CMBL: variants seen among roughly 807,000 people sequenced by gnomAD.
The protein encoded by CMBL is carboxymethylenebutenolidase homolog, also known as carboxymethylenebutenolidase homolog (Pseudomonas).
A neutral mutation model predicts 28.7 loss-of-function variants in CMBL; 17 were observed. The observed-to-expected ratio is 0.59, with a 90% CI of 0.41 to 0.89. CMBL has a LOEUF of 0.89. CMBL is among the 40% of genes least tolerant of loss of function. The pLI is 0.00. For missense variants in CMBL, 310 were observed against 298.5 expected (o/e 1.04, Z -0.28); for synonymous variants, 106 against 101.6 (o/e 1.04, Z -0.26).
chr5:10,289,974 C>A lies in CMBL; in HGVS notation c.215+574G>T, dbSNP rs981223374. On this transcript the variant is annotated intron_variant, in intron 2 of 5. Transcript: ENST00000296658. The surrounding 1 kb of genome is among the most constrained non-coding windows in gnomAD (Gnocchi z 4.3). ...CCCTCCTCTGCGCTTTACACCGGGG[C>A]AAATAAGAAGCAATCGGGTATCAGC... Among the ~76,000 whole-genome samples the A allele has an allele frequency of 2.6e-5, 4 of 152,170 alleles. No individual in the cohort carries two copies. The South Asian group carries it at 6.2e-4, about 24-fold the overall frequency.
chr5:10,296,602 A>G (rs1746814211), intron 1 of CMBL, among the ~76,000 whole-genome samples: 1 of 152,218 alleles, frequency 6.6e-6, no homozygotes, highest in Non-Finnish European at 1.5e-5. Context: ...GATGAAGAAA[A>G]GAGAAATCTA....
rs983156085 is a variant in CMBL at position 10,289,369 on chromosome 5, C to G, written c.216-840G>C. On this transcript the variant is annotated intron_variant, in intron 2 of 5. Transcript: ENST00000296658. This position sits in a 1 kb window ranked among gnomAD's most constrained non-coding sequence, Gnocchi z 4.3. ...TCTCGAGGGCAAAAAAAGTTGTATA[C>G]CTGTGAAAGGGCTTTGTAAAACAGG... Among the ~76,000 whole-genome samples the G allele has an allele frequency of 1.3e-5, 2 of 152,190 alleles. No homozygotes were observed. The highest frequency in any genetic ancestry group is 6.5e-5 in the Admixed American group (1 of 15,280).
In CMBL at chr5:10,279,162, C is replaced by T. The variant is rs1388367992; in HGVS notation, c.*1291G>A. The T allele has an allele frequency of 1.3e-5, 2 of 152,206 alleles. No individual in the cohort carries two copies. Among genetic ancestry groups the T allele is most frequent in the South Asian group, 2.1e-4 (1 of 4,832 alleles). 9.4% of individuals were successfully genotyped at this position (152,206 alleles called of 1,614,324 possible). A position where few individuals can be genotyped will look rare whatever the true frequency, so the allele number is the denominator to read the frequency against. ...ACAGGAGATATTTCTGAGGTAGCCTCAGGCCCTGGGACCCAAAAATGCCAG... is the reference window on the plus strand; with the variant it reads ...ACAGGAGATATTTCTGAGGTAGCCTTAGGCCCTGGGACCCAAAAATGCCAG... On this transcript the variant is annotated 3_prime_UTR_variant, in exon 6 of 6. Coordinates refer to ENST00000296658, the MANE Select transcript of CMBL (RefSeq NM_138809.4).
chr5:10,288,540 T>C lies in CMBL; in HGVS notation c.216-11A>G, dbSNP rs765779451. The C allele has an allele frequency of 1.5e-5, 24 of 1,558,828 alleles. No homozygotes were observed. Among genetic ancestry groups the C allele is most frequent in the South Asian group, 1.1e-4 (10 of 89,974 alleles). On this transcript the variant is annotated splice_polypyrimidine_tract_variant and intron_variant, in intron 2 of 5. Coordinates refer to ENST00000296658, the MANE Select transcript of CMBL (RefSeq NM_138809.4). ...TCTGGAACAATGGTTCTGCAAAATA[T>C]GGACATGAATTGATCTTAGTTTCAG...
intron 1 of CMBL, among the ~76,000 whole-genome samples, chr5:10,291,747 G>C (rs1356152687): frequency 6.6e-6 from 1 of 152,180 alleles, no homozygotes; most frequent in Non-Finnish European, 1.5e-5. Context: ...ACCTGGCTGA[G>C]AAATTAACAC....
intron 1 of CMBL, among the ~76,000 whole-genome samples, chr5:10,292,300 G>T (rs6892684): frequency 0.4 from 61,128 of 151,876 alleles, 15,764 homozygotes; most frequent in Non-Finnish European, 0.58. Flanking sequence ...CTCCTCCCTG[G>T]GCTCAACTAA....
chr5:10,293,104 A>AT (rs1231302365), intron 1 of CMBL, among the ~76,000 whole-genome samples: 1 of 152,260 alleles, frequency 6.6e-6, no homozygotes, highest in Non-Finnish European at 1.5e-5. Context: ...AACTTGATAC[A>AT]ATCAATACAG....
At chr5:10,285,474 T>G (rs762490482) in intron 4 of CMBL, among the ~76,000 whole-genome samples, 1 of 151,728 alleles carries the variant, frequency 6.6e-6, no homozygotes, top group Non-Finnish European at 1.5e-5. Flanking sequence ...GCCTTAAAAT[T>G]TTTTATAGAG....
intron 2 of CMBL, 121 bp downstream of exon 2, chr5:10,290,427 G>A (rs1165667576): frequency 2.6e-6 from 2 of 773,674 alleles, no homozygotes; most frequent in African/African-American, 1.7e-5. Context: ...AGATAGGGAA[G>A]TTTCTAATGT....
intron 1 of CMBL, among the ~76,000 whole-genome samples, chr5:10,300,128 T>C (rs934803824): frequency 5.3e-5 from 8 of 152,290 alleles, no homozygotes; most frequent in African/African-American, 1.9e-4. Flanking sequence ...TGGAGTACAG[T>C]AGACCATAAA....
chr5:10,286,763 C>T (rs987583236), intron 3 of CMBL, among the ~76,000 whole-genome samples: 2 of 152,212 alleles, frequency 1.3e-5, no homozygotes, highest in African/African-American at 4.8e-5. Context: ...GCCTCACTCC[C>T]AGCTGAGAGC....
intron 1 of CMBL, among the ~76,000 whole-genome samples, chr5:10,296,131 G>A (rs1362982375): frequency 6.6e-6 from 1 of 152,214 alleles, no homozygotes; most frequent in Non-Finnish European, 1.5e-5. Context: ...CCAGGGTTAT[G>A]TATGGGTCAA....
At position 10,288,481 on chromosome 5, in the gene CMBL, A is replaced by G. The variant is rs995828848; in HGVS notation, c.264T>C (p.Ser88=). The G allele has an allele frequency of 5.0e-6, 8 of 1,614,180 alleles. No homozygotes were observed. Among genetic ancestry groups the G allele is most frequent in the Non-Finnish European group, 6.8e-6 (8 of 1,179,986 alleles). The change falls in exon 3 of 6, where the codon TCT becomes TCC. Residue 88 remains serine, a synonymous_variant. Coordinates refer to ENST00000296658, the MANE Select transcript of CMBL (RefSeq NM_138809.4). Reference sequence around the variant, plus strand: ...ACTCAGGGAAGATAGACCAGTCGCCAGAGGGGTCCCAAGGCTCTTGCCCTA... The same window carrying G: ...ACTCAGGGAAGATAGACCAGTCGCCGGAGGGGTCCCAAGGCTCTTGCCCTA... ...FFVGQEPWDP[S]GDWSIFPEWL... is the part of the protein sequence containing the mutation.
At chr5:10,306,395 G>A (rs534464655) in intron 1 of CMBL, among the ~76,000 whole-genome samples, 13 of 152,286 alleles carry the variant, frequency 8.5e-5, no homozygotes, top group African/African-American at 3.1e-4. Context: ...AGGTCTGGGG[G>A]AAGAGAGGTC....
intron 1 of CMBL, among the ~76,000 whole-genome samples, chr5:10,291,554 G>C (rs957227464): frequency 1.3e-5 from 2 of 151,298 alleles, no homozygotes; most frequent in African/African-American, 4.8e-5. Flanking sequence ...CCAGCTACTC[G>C]GGAGGCTGAG....
chr5:10,294,285 G>A (rs1746773074), intron 1 of CMBL, among the ~76,000 whole-genome samples: 1 of 152,182 alleles, frequency 6.6e-6, no homozygotes, highest in Non-Finnish European at 1.5e-5. Context: ...TTGATTTACA[G>A]TATCATTGGC....
In CMBL at chr5:10,296,504, C is replaced by G. The variant is rs536586303; in HGVS notation, c.-19-5723G>C. ...CCATGTTGGCCAGGCTGGTCTCAAA[C>G]TCCTGACCTCAGGTGATCCACTGTG... On this transcript the variant is annotated intron_variant, in intron 1 of 5. Coordinates refer to ENST00000296658, the MANE Select transcript of CMBL (RefSeq NM_138809.4). 6.6e-5 allele frequency among the ~76,000 whole-genome samples: 10 copies of G among 152,328 alleles called. No homozygotes were observed. In the South Asian group the frequency reaches 2.1e-3, roughly 32 times the overall value.
chr5:10,282,672 A>G (rs1222254752), intron 4 of CMBL, among the ~76,000 whole-genome samples: 1 of 152,056 alleles, frequency 6.6e-6, no homozygotes, highest in Non-Finnish European at 1.5e-5. Context: ...AGTCTCAGCT[A>G]CTTGCGGGGA....
At chr5:10,295,448 T>A (rs1746793211) in intron 1 of CMBL, among the ~76,000 whole-genome samples, 1 of 152,182 alleles carries the variant, frequency 6.6e-6, no homozygotes, top group Non-Finnish European at 1.5e-5. Context: ...ATGTGAACTG[T>A]CAATGTCCAC....
Sources: gnomAD v4.1 joint callset for allele counts (sites outside exome capture counted in the v4.1 genomes callset) on GRCh38, gnomAD v4.1.1 for gene constraint, Gnocchi (gnomAD v3.1) non-coding constraint, MANE v1.5 for transcripts, NCBI Gene and HGNC (gene_info 2026-07-23, HGNC 2026-07-21) for gene names.